The following SHC3 variants were observed in gnomAD, a reference collection of about 807,000 sequenced individuals.
SHC3 encodes SHC adaptor protein 3.
In SHC3, 15 loss-of-function variants were observed where a neutral mutation model predicts 60.4. The ratio of observed to expected loss-of-function variants is 0.25; its 90% CI spans 0.17 to 0.38. SHC3 has a LOEUF of 0.38. Ranked by LOEUF, SHC3 falls within the 10% of genes least tolerant of loss-of-function variation. SHC3 has a pLI of 1.00. For missense variants in SHC3, 677 were observed against 786.1 expected, an observed-to-expected ratio of 0.86 and a Z score of 1.66; for synonymous variants, 294 against 325.9, an observed-to-expected ratio of 0.90 and a Z score of 1.05.
At chr9:89,152,479 G>A (rs1451017513) in intron 1 of SHC3, among the ~76,000 whole-genome samples, 1 of 152,178 alleles carries the variant, frequency 6.6e-6, no homozygotes, top group Non-Finnish European at 1.5e-5. Flanking sequence ...GTCCACCATA[G>A]ACATCCTCAA....
At chr9:89,037,591 C>A in intron 11 of SHC3, 1 of 703,502 alleles carries the variant, frequency 1.4e-6, no homozygotes, top group East Asian at 2.7e-5. Context: ...ATTTTACAGC[C>A]TTAGAACAAA....
intron 1 of SHC3, among the ~76,000 whole-genome samples, chr9:89,152,610 G>C (rs902698031): frequency 2.6e-5 from 4 of 152,148 alleles, no homozygotes; most frequent in African/African-American, 9.7e-5. Flanking sequence ...ATATAACATG[G>C]CACATCCGTC....
chr9:89,104,193 G>A (rs998760483), intron 2 of SHC3, among the ~76,000 whole-genome samples: 10 of 151,974 alleles, frequency 6.6e-5, no homozygotes, highest in African/African-American at 2.4e-4. Flanking sequence ...AAACAGACTC[G>A]TTTTCAAAGC....
At chr9:89,155,585 C>A (rs191945572) in intron 1 of SHC3, among the ~76,000 whole-genome samples, 1 of 152,138 alleles carries the variant, frequency 6.6e-6, no homozygotes, top group East Asian at 1.9e-4. Context: ...TTCTGGAGTG[C>A]CACTGAGCCC....
chr9:89,076,534 T>C (rs894337641), intron 3 of SHC3, among the ~76,000 whole-genome samples: 2 of 152,156 alleles, frequency 1.3e-5, no homozygotes, highest in African/African-American at 4.8e-5. Context: ...ACAACTTAAC[T>C]GAAGAGGTTT....
intron 2 of SHC3, among the ~76,000 whole-genome samples, chr9:89,106,879 T>C (rs568697991): frequency 3.3e-5 from 5 of 151,542 alleles, no homozygotes; most frequent in Non-Finnish European, 5.9e-5. Flanking sequence ...ACCTACTAGA[T>C]GCATTATGGT....
chr9:89,014,943 T>TC (rs1402749020), intron 11 of SHC3, among the ~76,000 whole-genome samples: 4 of 151,970 alleles, frequency 2.6e-5, no homozygotes, highest in Non-Finnish European at 5.9e-5. Flanking sequence ...TAGAATGTTT[T>TC]CCCCCTGCAG....
At chr9:89,048,531 T>C (rs1197868716) in intron 7 of SHC3, among the ~76,000 whole-genome samples, 2 of 152,110 alleles carry the variant, frequency 1.3e-5, no homozygotes, top group Non-Finnish European at 2.9e-5. Flanking sequence ...TGGGGAGTAA[T>C]TGCTGATGAG....
At chr9:89,121,471 G>T (rs921401877) in intron 1 of SHC3, among the ~76,000 whole-genome samples, 1 of 152,110 alleles carries the variant, frequency 6.6e-6, no homozygotes, top group Admixed American at 6.5e-5. Flanking sequence ...TGTATTTTTA[G>T]TAGAGATGGG....
At chr9:89,088,735 G>A (rs1219087835) in intron 2 of SHC3, 1 of 152,236 alleles carries the variant, frequency 6.6e-6, no homozygotes, top group Non-Finnish European at 1.5e-5. Flanking sequence ...AGAGGGAGAG[G>A]GGCCTGCACG....
intron 1 of SHC3, among the ~76,000 whole-genome samples, chr9:89,148,596 A>G (rs890914805): frequency 6.6e-6 from 1 of 152,250 alleles, no homozygotes; most frequent in African/African-American, 2.4e-5. Context: ...ATAGATCAAT[A>G]AGTTGACATT....
chr9:89,150,161 T>G lies in SHC3; in HGVS notation c.474+27826A>C, dbSNP rs560892073. On this transcript the variant is annotated intron_variant, in intron 1 of 11. Coordinates refer to ENST00000375835, the MANE Select transcript of SHC3 (RefSeq NM_016848.6). Reference sequence around the variant, plus strand: ...TATAAATTAAACTTTATCAAAGGTATGTATGTATAGGAAAAATCATAGCAC... The same window carrying G: ...TATAAATTAAACTTTATCAAAGGTAGGTATGTATAGGAAAAATCATAGCAC... Among the ~76,000 whole-genome samples the G allele has an allele frequency of 3.9e-5, 6 of 152,328 alleles. No homozygotes were observed. In the East Asian group the frequency reaches 1.2e-3, roughly 29 times the overall value.
chr9:89,116,529 A>G (rs572898689), intron 1 of SHC3, among the ~76,000 whole-genome samples: 1 of 152,332 alleles, frequency 6.6e-6, no homozygotes, highest in East Asian at 1.9e-4. Context: ...TACCACCAAC[A>G]CCAACACCCC....
chr9:89,145,274 G>A (rs901473990), intron 1 of SHC3, among the ~76,000 whole-genome samples: 1 of 152,244 alleles, frequency 6.6e-6, no homozygotes, highest in African/African-American at 2.4e-5. Flanking sequence ...TGACGCATTA[G>A]CACAGAGAGC....
chr9:89,046,757 A>T, intron 8 of SHC3, 87 bp downstream of exon 8: 3 of 1,347,646 alleles, frequency 2.2e-6, no homozygotes, highest in Non-Finnish European at 2.9e-6. Context: ...ACAGAACATC[A>T]GCCTGAAATA....
At chr9:89,090,962 A>G (rs71510288) in intron 2 of SHC3, among the ~76,000 whole-genome samples, 7,932 of 152,334 alleles carry the variant, frequency 0.052, 300 homozygotes, top group Non-Finnish European at 0.078. Context: ...AAGACATGGC[A>G]TAACAAGTCA....
At chr9:89,027,174 T>A (rs2118658186) in intron 11 of SHC3, among the ~76,000 whole-genome samples, 1 of 152,314 alleles carries the variant, frequency 6.6e-6, no homozygotes, top group South Asian at 2.1e-4. Context: ...ATTGTCCTGG[T>A]CATTTGTGTA....
intron 6 of SHC3, among the ~76,000 whole-genome samples, chr9:89,061,001 C>T (rs1175753374): frequency 1.3e-5 from 2 of 152,078 alleles, no homozygotes; most frequent in Non-Finnish European, 2.9e-5. Context: ...TGTGAGACTC[C>T]CAAGTGGAGA....
rs202188394 is a variant in SHC3 at position 89,037,979 on chromosome 9, C to G, written c.1656+14G>C. 2,883 of 1,603,480 alleles carry G rather than the reference C, an allele frequency of 1.8e-3. 6 individuals carry two copies. Among genetic ancestry groups the G allele is most frequent in the Non-Finnish European group, 2.3e-3 (2,671 of 1,179,046 alleles). ...CCACTGGCAGGTCCGGCCCCACCCC[C>G]ACTGGGTGCTCACCGTGCCTTCTGG... On this transcript the variant is annotated intron_variant, in intron 11 of 11. Transcript: ENST00000375835.
Sources: gnomAD v4.1 joint callset for allele counts (sites outside exome capture counted in the v4.1 genomes callset) on GRCh38, gnomAD v4.1.1 for gene constraint, MANE v1.5 for transcripts, NCBI Gene and HGNC (gene_info 2026-07-23, HGNC 2026-07-21) for gene names.